PTPRT: variants seen among roughly 807,000 people sequenced by gnomAD.
PTPRT encodes receptor-type tyrosine-protein phosphatase T.
PTPRT carries 56 observed loss-of-function variants against 176.8 expected under a neutral mutation model. The observed-to-expected ratio is 0.32, with a 90% CI of 0.26 to 0.40. The LOEUF is 0.40. Among genes scored for constraint, PTPRT ranks in the 10% least tolerant of loss-of-function variants. PTPRT has a pLI of 1.00. For missense variants in PTPRT, 1,540 were observed against 1,908.2 expected (o/e 0.81, Z 3.60); for synonymous variants, 783 against 739.0 (o/e 1.06, Z -0.96).
rs1025381802 is a variant in PTPRT, at chr20:42,917,394, G to A, written c.89-31462C>T. ...GTAGTATAGTTTGAAGTCAGGTAGC[G>A]CGATGCCTCCAGCTTTGTTCTTTTG... On this transcript the variant is annotated intron_variant, in intron 1 of 30. Coordinates refer to ENST00000373187, the MANE Select transcript of PTPRT (RefSeq NM_007050.6). Among the ~76,000 whole-genome samples, 176 of 152,226 alleles carry A rather than the reference G, an allele frequency of 1.2e-3. 1 individual carries two copies. Among genetic ancestry groups the A allele is most frequent in the Non-Finnish European group, 7.8e-4 (53 of 68,016 alleles).
At chr20:42,036,134 T>C in the PTPRT span, among the ~76,000 whole-genome samples, 1 of 152,090 alleles carries the variant, frequency 6.6e-6, no homozygotes, top group Non-Finnish European at 1.5e-5. Context: ...ATCTAGAAAA[T>C]TTATCCACCA....
At position 43,189,589 on chromosome 20, in the gene PTPRT, C is replaced by T. The variant is rs532972542; in HGVS notation, c.88+57G>A. ...CCTCCGAGGGCCCCGCGGCTGGGGG[C>T]CCGCGCGCATCCAGGAGGGAGCGGG... On this transcript the variant is annotated intron_variant, in intron 1 of 30. Coordinates refer to ENST00000373187, the MANE Select transcript of PTPRT (RefSeq NM_007050.6). The surrounding 1 kb of genome is among the most constrained non-coding windows in gnomAD (Gnocchi z 5.0). 151 of 1,135,598 alleles carry T rather than the reference C, an allele frequency of 1.3e-4. 2 individuals are homozygous for T. The South Asian group carries it at 5.1e-3, about 39-fold the overall frequency. The allele number at this position is 1,135,598 out of a possible 1,614,324, so 70.3% of individuals were successfully genotyped here.
the PTPRT span, among the ~76,000 whole-genome samples, chr20:42,047,433 A>G: frequency 2.6e-5 from 4 of 152,210 alleles, no homozygotes; most frequent in East Asian, 7.7e-4. Flanking sequence ...CTCTTCATTC[A>G]GCTTGTTACA....
At chr20:42,055,980 T>G in the PTPRT span, among the ~76,000 whole-genome samples, 5 of 152,182 alleles carry the variant, frequency 3.3e-5, no homozygotes, top group African/African-American at 1.2e-4. Context: ...GTGCACCACA[T>G]GCATCATGCT....
intron 8 of PTPRT, among the ~76,000 whole-genome samples, chr20:42,450,606 T>C (rs1180241971): frequency 6.6e-6 from 1 of 151,582 alleles, no homozygotes; most frequent in Admixed American, 6.6e-5. Flanking sequence ...CTTTCTTGCA[T>C]AGGTTGCAAA....
At chr20:42,508,542 T>G (rs1568937460) in intron 7 of PTPRT, among the ~76,000 whole-genome samples, 1 of 152,174 alleles carries the variant, frequency 6.6e-6, no homozygotes, top group South Asian at 2.1e-4. Context: ...TAGCCCTTAC[T>G]ATGTACCAGA....
intron 12 of PTPRT, among the ~76,000 whole-genome samples, chr20:42,303,459 A>C (rs2057499744): frequency 6.6e-6 from 1 of 152,146 alleles, no homozygotes; most frequent in Admixed American, 6.6e-5. Flanking sequence ...TCCTCTATGA[A>C]GCTATCTTGT....
In PTPRT at chr20:43,074,533, T is replaced by C. The variant is rs1037710641; in HGVS notation, c.88+115113A>G. Among the ~76,000 whole-genome samples the C allele has an allele frequency of 2.0e-5, 3 of 152,328 alleles. 1 individual carries two copies. Among genetic ancestry groups the C allele is most frequent in the Admixed American group, 2.0e-4 (3 of 15,304 alleles). On this transcript the variant is annotated intron_variant, in intron 1 of 30. Coordinates refer to ENST00000373187, the MANE Select transcript of PTPRT (RefSeq NM_007050.6). ...CCTTGGCACACACCATGAAGTTTGC[T>C]CGTGCATTTATTCAAACATTTATTT...
intron 1 of PTPRT, among the ~76,000 whole-genome samples, chr20:43,148,925 G>A (rs1024828855): frequency 6.6e-6 from 1 of 152,144 alleles, no homozygotes; most frequent in East Asian, 1.9e-4. Flanking sequence ...ACGTGCTTGA[G>A]GTAGGTCAGA....
At chr20:42,811,039 A>G (rs984012719) in intron 2 of PTPRT, among the ~76,000 whole-genome samples, 9 of 152,220 alleles carry the variant, frequency 5.9e-5, no homozygotes, top group Non-Finnish European at 1.3e-4. Flanking sequence ...ATAAATACCC[A>G]TAACTCTGCC....
At chr20:42,318,247 A>C (rs2057749043) in intron 11 of PTPRT, among the ~76,000 whole-genome samples, 2 of 152,174 alleles carry the variant, frequency 1.3e-5, no homozygotes, top group Non-Finnish European at 2.9e-5. Context: ...TCAACTGTAC[A>C]ATTCCTATGT....
intron 6 of PTPRT, among the ~76,000 whole-genome samples, chr20:42,702,853 C>T (rs889376235): frequency 6.6e-6 from 1 of 152,214 alleles, no homozygotes; most frequent in Non-Finnish European, 1.5e-5. Flanking sequence ...CCCTGAGCAT[C>T]CCTGAGGAGA....
intron 2 of PTPRT, among the ~76,000 whole-genome samples, chr20:42,818,238 G>C (rs905962764): frequency 1.3e-5 from 2 of 151,954 alleles, no homozygotes; most frequent in Non-Finnish European, 2.9e-5. Context: ...CAGATGACTA[G>C]GTCCTAAAGT....
At chr20:43,057,941 TGCTTA>T (rs1987308146) in intron 1 of PTPRT, among the ~76,000 whole-genome samples, 1 of 152,118 alleles carries the variant, frequency 6.6e-6, no homozygotes, top group Admixed American at 6.6e-5. Flanking sequence ...CCTAACCCAG[TGCTTA>T]GTACATAGAA....
At position 42,196,091 on chromosome 20, in the gene PTPRT, T is replaced by C. The variant is rs1485885022; in HGVS notation, c.2491+3149A>G. Among the ~76,000 whole-genome samples the C allele has an allele frequency of 2.6e-5, 4 of 152,240 alleles. No individual in the cohort carries two copies. The East Asian group carries it at 7.7e-4, about 29-fold the overall frequency. On this transcript the variant is annotated intron_variant, in intron 16 of 30. Coordinates refer to ENST00000373187, the MANE Select transcript of PTPRT (RefSeq NM_007050.6). ...ATCTAAAATTTCAGGGTCACAATGATTGTCAAGAAGTTTTGGCCATAATCA... is the reference window on the plus strand; with the variant it reads ...ATCTAAAATTTCAGGGTCACAATGACTGTCAAGAAGTTTTGGCCATAATCA...
At position 42,106,771 on chromosome 20, in the gene PTPRT, C is replaced by G; in HGVS notation, c.3390+15G>C. On this transcript the variant is annotated intron_variant, in intron 24 of 30. Transcript: ENST00000373187. Reference sequence around the variant, plus strand: ...GGCTACAGGTGGCCAACTGTCTTGGCCCCCTAGGACTCACCTCTGTCTGTA... The same window carrying G: ...GGCTACAGGTGGCCAACTGTCTTGGGCCCCTAGGACTCACCTCTGTCTGTA... 1 of 1,609,294 alleles carries G rather than the reference C, an allele frequency of 6.2e-7. No individual in the cohort carries two copies. Among genetic ancestry groups the G allele is most frequent in the Non-Finnish European group, 8.5e-7 (1 of 1,177,238 alleles).
At chr20:42,254,475 C>T (rs1031676373) in intron 13 of PTPRT, among the ~76,000 whole-genome samples, 6 of 152,158 alleles carry the variant, frequency 3.9e-5, no homozygotes, top group Non-Finnish European at 8.8e-5. Flanking sequence ...AGGTACATCA[C>T]TCTGAATCAG....
intron 21 of PTPRT, 71 bp from the exon 22 acceptor site, chr20:42,115,386 G>A (rs1987226052): frequency 5.1e-6 from 6 of 1,176,910 alleles, no homozygotes; most frequent in African/African-American, 3.0e-5. Context: ...GGCTGAGTGT[G>A]AGCAGCTGTC....
intron 2 of PTPRT, among the ~76,000 whole-genome samples, chr20:42,865,465 G>C (rs1302218838): frequency 6.6e-6 from 1 of 152,192 alleles, no homozygotes; most frequent in Admixed American, 6.5e-5. Flanking sequence ...AGGGCATTCT[G>C]GTGCCAGTTT....
Sources: allele counts gnomAD v4.1 joint callset (sites outside exome capture counted in the v4.1 genomes callset), GRCh38; gene constraint gnomAD v4.1.1; non-coding constraint Gnocchi (gnomAD v3.1); transcripts MANE v1.5; gene names NCBI Gene and HGNC (gene_info 2026-07-23, HGNC 2026-07-21).